Variants in AKAP6 observed in about 807,000 individuals in gnomAD.
The protein encoded by AKAP6 is A-kinase anchor protein 6.
In AKAP6, 58 loss-of-function variants were observed where a neutral mutation model predicts 188.5. The ratio of observed to expected loss-of-function variants is 0.31; its 90% confidence interval spans 0.25 to 0.38. The LOEUF (loss-of-function observed/expected upper bound fraction) is 0.38, where lower values mean the gene tolerates loss of function less well. AKAP6 is among the 10% of genes least tolerant of loss of function. The pLI, the probability that AKAP6 is intolerant of heterozygous loss-of-function variation, is 1.00. For missense variants in AKAP6, 2,710 were observed against 2,740.0 expected, an observed-to-expected ratio of 0.99 and a Z score of 0.24; for synonymous variants, 989 against 998.6, an observed-to-expected ratio of 0.99 and a Z score of 0.18.
At chr14:32,762,232 T>G (rs1040711751) in intron 11 of AKAP6, among the ~76,000 whole-genome samples, 1 of 152,126 alleles carries the variant, frequency 6.6e-6, no homozygotes, top group African/African-American at 2.4e-5. Context: ...ATTGCATACT[T>G]TATTCCAGGG....
At chr14:32,516,702 A>C (rs191526018) in intron 2 of AKAP6, among the ~76,000 whole-genome samples, 1 of 152,308 alleles carries the variant, frequency 6.6e-6, no homozygotes, top group Admixed American at 6.5e-5. Flanking sequence ...ATTAGGTAAA[A>C]ACCCTGTATT....
intron 4 of AKAP6, among the ~76,000 whole-genome samples, chr14:32,569,072 T>C (rs894553796): frequency 2.0e-5 from 3 of 152,194 alleles, no homozygotes; most frequent in Non-Finnish European, 2.9e-5. Context: ...GAAACCACTA[T>C]AAATAGTATT....
chr14:32,665,582 A>T (rs911988234), intron 7 of AKAP6, among the ~76,000 whole-genome samples: 6 of 152,064 alleles, frequency 3.9e-5, no homozygotes, highest in Non-Finnish European at 7.4e-5. Context: ...GGTTTTATGG[A>T]ATCTTCATGA....
chr14:32,772,078 AAAG>A (rs2032915083), intron 11 of AKAP6, among the ~76,000 whole-genome samples: 2 of 152,022 alleles, frequency 1.3e-5, no homozygotes, highest in African/African-American at 4.8e-5. Context: ...GTTTGAGTGA[AAAG>A]AAGAGACAGA....
chr14:32,622,725 G>A (rs1265170341), intron 7 of AKAP6, among the ~76,000 whole-genome samples: 1 of 152,044 alleles, frequency 6.6e-6, no homozygotes, highest in Non-Finnish European at 1.5e-5. Context: ...TTGTTCTCAT[G>A]CAAAGGCAGG....
At chr14:32,751,225 T>A (rs1046465085) in intron 11 of AKAP6, among the ~76,000 whole-genome samples, 1 of 152,190 alleles carries the variant, frequency 6.6e-6, no homozygotes, top group Non-Finnish European at 1.5e-5. Flanking sequence ...TGGATCATCT[T>A]CTAATAATTT....
intron 11 of AKAP6, among the ~76,000 whole-genome samples, chr14:32,745,461 T>TTCTCTCTC (rs71115094): frequency 9.2e-5 from 13 of 141,344 alleles, no homozygotes; most frequent in African/African-American, 3.4e-4. Context: ...TATTTATTCA[T>TTCTCTCTC]TCTCTCTCTC....
At chr14:32,396,408 C>T (rs1888881221) in intron 1 of AKAP6, among the ~76,000 whole-genome samples, 1 of 152,174 alleles carries the variant, frequency 6.6e-6, no homozygotes, top group Non-Finnish European at 1.5e-5. Flanking sequence ...TCCTTCCTAA[C>T]TGAACCCTGA....
At chr14:32,803,164 C>T (rs1343806676) in intron 12 of AKAP6, among the ~76,000 whole-genome samples, 1 of 151,830 alleles carries the variant, frequency 6.6e-6, no homozygotes, top group Non-Finnish European at 1.5e-5. Flanking sequence ...ATATTTGTGG[C>T]CAGGCACGGT....
At chr14:32,505,230 T>C (rs529258658) in intron 2 of AKAP6, among the ~76,000 whole-genome samples, 8 of 152,142 alleles carry the variant, frequency 5.3e-5, no homozygotes, top group African/African-American at 1.9e-4. Context: ...TTAGTGTTAA[T>C]TATCAGTTGG....
intron 2 of AKAP6, among the ~76,000 whole-genome samples, chr14:32,504,522 T>G (rs111404119): frequency 6.6e-6 from 1 of 152,046 alleles, no homozygotes. Context: ...TCAAGTAATC[T>G]CCCCACCTCG....
rs540508497 is a variant in AKAP6 at position 32,586,949 on chromosome 14, C to T, written c.2469+9707C>T. ...AGCTTAAGCATATTTAAATTTGTAA[C>T]GTATTACCAAACTGTCCTTGATAGA... On this transcript the variant is annotated intron_variant, in intron 5 of 13. Transcript: ENST00000280979. Among the ~76,000 whole-genome samples, 6 of 152,220 alleles carry T rather than the reference C, an allele frequency of 3.9e-5. No homozygotes were observed. In the South Asian group the frequency reaches 6.2e-4, roughly 16 times the overall value.
At position 32,726,144 on chromosome 14, in the gene AKAP6, C is replaced by A. The variant is rs977031186; in HGVS notation, c.3001-6310C>A. The A allele has an allele frequency of 1.3e-5, 13 of 975,634 alleles. No homozygotes were observed. The African/African-American group carries it at 1.6e-4, about 12-fold the overall frequency. 60.4% of individuals were successfully genotyped at this position (975,634 alleles called of 1,614,324 possible). On this transcript the variant is annotated intron_variant, in intron 9 of 13. Coordinates refer to ENST00000280979, the MANE Select transcript of AKAP6 (RefSeq NM_004274.5). ...ACTAGAAAATAGTTATTTTCTTTTA[C>A]ACACCATAGACTTTTCATTACATTT...
At chr14:32,567,390 T>G (rs1884245771) in intron 4 of AKAP6, among the ~76,000 whole-genome samples, 1 of 152,178 alleles carries the variant, frequency 6.6e-6, no homozygotes, top group African/African-American at 2.4e-5. Context: ...AATACTGTTT[T>G]CTGTCTTCTT....
chr14:32,368,103 G>T (rs1887892263), intron 1 of AKAP6, among the ~76,000 whole-genome samples: 3 of 149,420 alleles, frequency 2.0e-5, no homozygotes, highest in African/African-American at 7.4e-5. Flanking sequence ...CCCTCCCTCT[G>T]TCTCTCTCTC....
chr14:32,669,394 G>A (rs1161717899), intron 7 of AKAP6, among the ~76,000 whole-genome samples: 1 of 152,120 alleles, frequency 6.6e-6, no homozygotes, highest in Non-Finnish European at 1.5e-5. Context: ...GCTAATCATG[G>A]TATGTGAATA....
intron 2 of AKAP6, among the ~76,000 whole-genome samples, chr14:32,519,049 TAAAG>T (rs1035275758): frequency 4.6e-5 from 7 of 152,106 alleles, no homozygotes; most frequent in African/African-American, 1.4e-4. Context: ...TTCAACATCT[TAAAG>T]AAAAGAATTT....
At chr14:32,481,381 G>A (rs1216811958) in intron 2 of AKAP6, among the ~76,000 whole-genome samples, 4 of 152,218 alleles carry the variant, frequency 2.6e-5, no homozygotes, top group South Asian at 4.1e-4. Flanking sequence ...TCCTGTATTA[G>A]TTTGGTCTTA....
intron 2 of AKAP6, among the ~76,000 whole-genome samples, chr14:32,446,358 A>C (rs1211863375): frequency 6.6e-6 from 1 of 152,200 alleles, no homozygotes; most frequent in African/African-American, 2.4e-5. Context: ...GTAAATAAAA[A>C]TGAATCTAAA....
Sources: gnomAD v4.1 joint callset for allele counts (sites outside exome capture counted in the v4.1 genomes callset) on GRCh38, gnomAD v4.1.1 for gene constraint, MANE v1.5 for transcripts, NCBI Gene and HGNC (gene_info 2026-07-23, HGNC 2026-07-21) for gene names.